The following GALNTL6 variants were observed in gnomAD, a reference collection of about 807,000 sequenced individuals.
The protein encoded by GALNTL6 is polypeptide N-acetylgalactosaminyltransferase-like 6.
GALNTL6 carries 46 observed loss-of-function variants against 73.7 expected under a neutral mutation model. The observed-to-expected ratio is 0.62, with a 90% CI of 0.49 to 0.80. The LOEUF is 0.80. Among genes scored for constraint, GALNTL6 ranks in the 30% least tolerant of loss-of-function variants. GALNTL6 has a pLI of 0.00. For synonymous variants in GALNTL6, 259 were observed against 263.7 expected (o/e 0.98, Z 0.17); for missense variants, 604 against 755.0 (o/e 0.80, Z 2.34).
At chr4:172,415,875 C>A (rs182032506) in intron 5 of GALNTL6, among the ~76,000 whole-genome samples, 31 of 152,230 alleles carry the variant, frequency 2.0e-4, no homozygotes, top group African/African-American at 7.5e-4. Context: ...CATGCAATGT[C>A]TGGAATCTAT....
chr4:172,695,761 CATG>C (rs1337345447), intron 5 of GALNTL6, among the ~76,000 whole-genome samples: 7 of 152,258 alleles, frequency 4.6e-5, no homozygotes, highest in Admixed American at 1.3e-4. Context: ...TCCTGGCTAA[CATG>C]GTGAAACCCT....
intron 3 of GALNTL6, among the ~76,000 whole-genome samples, chr4:172,235,584 T>G (rs1030086677): frequency 3.3e-5 from 5 of 152,226 alleles, no homozygotes; most frequent in Non-Finnish European, 7.3e-5. Context: ...TCTCTAATTT[T>G]TTTCTAACTT....
rs574170799 is a variant in GALNTL6 at position 172,130,550 on chromosome 4, G to A, written c.139-99106G>A. Among the ~76,000 whole-genome samples, 6 of 151,926 alleles carry A rather than the reference G, an allele frequency of 3.9e-5. No individual in the cohort carries two copies. In the South Asian group the frequency reaches 1.2e-3, roughly 32 times the overall value. The stretch of plus-strand genomic sequence containing the variant: ...TAAAATATTTTCTTTCTACTGTGAG[G>A]TTTCAAAGTAATTAAAACAAACTTA... On this transcript the variant is annotated intron_variant, in intron 2 of 12. Transcript: ENST00000506823.
chr4:172,431,834 C>T (rs1731465658), intron 5 of GALNTL6, among the ~76,000 whole-genome samples: 1 of 152,114 alleles, frequency 6.6e-6, no homozygotes, highest in Admixed American at 6.6e-5. Flanking sequence ...TGAAAAATCT[C>T]ACTGTGATAT....
chr4:171,849,782 G>A (rs1040313685), intron 2 of GALNTL6, among the ~76,000 whole-genome samples: 1 of 152,152 alleles, frequency 6.6e-6, no homozygotes, highest in African/African-American at 2.4e-5. Flanking sequence ...ATAGCCTCTG[G>A]CAAAGACCAG....
rs1310132227 is a variant in GALNTL6 at position 172,973,246 on chromosome 4, A to G, written c.1371+20988A>G. Among the ~76,000 whole-genome samples, 4 of 152,268 alleles carry G rather than the reference A, an allele frequency of 2.6e-5. No individual in the cohort carries two copies. In the East Asian group the frequency reaches 7.7e-4, roughly 29 times the overall value. ...CCTAAACCCACTGATCAATTTTAGC[A>G]TCACTGAATCATACACATTCTGGTA... On this transcript the variant is annotated intron_variant, in intron 10 of 12. Transcript: ENST00000506823.
At chr4:172,884,567 C>T (rs758774523) in intron 8 of GALNTL6, among the ~76,000 whole-genome samples, 1 of 152,138 alleles carries the variant, frequency 6.6e-6, no homozygotes, top group African/African-American at 2.4e-5. Flanking sequence ...TCCCATCCTA[C>T]AGGTTGTCTC....
intron 2 of GALNTL6, among the ~76,000 whole-genome samples, chr4:172,030,093 T>G (rs1217166929): frequency 6.6e-6 from 1 of 152,104 alleles, no homozygotes; most frequent in Non-Finnish European, 1.5e-5. Flanking sequence ...GATAAAACTT[T>G]CCAAGGTCAC....
intron 5 of GALNTL6, among the ~76,000 whole-genome samples, chr4:172,412,501 T>A (rs911992024): frequency 3.3e-5 from 5 of 152,184 alleles, no homozygotes; most frequent in African/African-American, 1.2e-4. Context: ...ACAGATAGCA[T>A]AACGCAAGCA....
At chr4:172,769,617 A>T (rs1189717008) in intron 5 of GALNTL6, among the ~76,000 whole-genome samples, 1 of 152,244 alleles carries the variant, frequency 6.6e-6, no homozygotes, top group African/African-American at 2.4e-5. Context: ...AGCTAGAGAT[A>T]GAGATCTGAG....
chr4:172,658,269 A>G lies in GALNTL6; in HGVS notation c.554-151092A>G, dbSNP rs190253665. Among the ~76,000 whole-genome samples, 282 of 149,772 alleles carry G rather than the reference A, an allele frequency of 1.9e-3. 2 individuals carry two copies. Among genetic ancestry groups the G allele is most frequent in the African/African-American group, 6.5e-3 (267 of 40,788 alleles). ...ATCACGAAGTCAGGAGCTCAAGACC[A>G]TCCTGGCTAACATGGTGAAACCCAG... is the stretch of plus-strand genomic sequence containing the variant. On this transcript the variant is annotated intron_variant, in intron 5 of 12. Transcript: ENST00000506823.
At chr4:172,840,031 T>A (rs1175342348) in intron 7 of GALNTL6, among the ~76,000 whole-genome samples, 1 of 152,184 alleles carries the variant, frequency 6.6e-6, no homozygotes, top group Non-Finnish European at 1.5e-5. Context: ...TCAAATATTT[T>A]CAAAGTTTTA....
At chr4:172,735,309 A>T (rs113509613) in intron 5 of GALNTL6, among the ~76,000 whole-genome samples, 1 of 152,308 alleles carries the variant, frequency 6.6e-6, no homozygotes, top group African/African-American at 2.4e-5. Flanking sequence ...ACATGGACTC[A>T]AAGGAGATTA....
intron 4 of GALNTL6, among the ~76,000 whole-genome samples, chr4:172,317,997 C>G (rs1367744844): frequency 1.3e-5 from 2 of 152,084 alleles, no homozygotes; most frequent in Non-Finnish European, 2.9e-5. Flanking sequence ...AAACACTATT[C>G]TAGCCTAGGG....
chr4:171,959,318 G>A (rs2099654474), intron 2 of GALNTL6, among the ~76,000 whole-genome samples: 1 of 152,072 alleles, frequency 6.6e-6, no homozygotes. Context: ...GTTCTCTTAG[G>A]TAAGATACTA....
At chr4:172,356,797 A>G (rs191162090) in intron 5 of GALNTL6, among the ~76,000 whole-genome samples, 2 of 152,138 alleles carry the variant, frequency 1.3e-5, no homozygotes, top group Non-Finnish European at 2.9e-5. Context: ...GGTCAATTTT[A>G]TATGCTTTGA....
At chr4:172,089,957 T>C (rs1732153905) in intron 2 of GALNTL6, among the ~76,000 whole-genome samples, 1 of 152,178 alleles carries the variant, frequency 6.6e-6, no homozygotes, top group Admixed American at 6.5e-5. Flanking sequence ...AGGTGTTTAG[T>C]TTTCTGTTCC....
intron 5 of GALNTL6, among the ~76,000 whole-genome samples, chr4:172,362,142 A>C (rs1275847595): frequency 6.6e-6 from 1 of 152,126 alleles, no homozygotes; most frequent in Non-Finnish European, 1.5e-5. Context: ...GAATATGTGC[A>C]ACACATTGGT....
At chr4:172,393,175 C>T (rs571535213) in intron 5 of GALNTL6, among the ~76,000 whole-genome samples, 2 of 152,218 alleles carry the variant, frequency 1.3e-5, no homozygotes, top group African/African-American at 2.4e-5. Flanking sequence ...AAAAGGGAGC[C>T]GCTGCTATAT....
Sources: allele counts gnomAD v4.1 joint callset (sites outside exome capture counted in the v4.1 genomes callset), GRCh38; gene constraint gnomAD v4.1.1; transcripts MANE v1.5; gene names NCBI Gene and HGNC (gene_info 2026-07-23, HGNC 2026-07-21).